The following NPEPL1 variants were observed in gnomAD, a reference collection of about 807,000 sequenced individuals.
NPEPL1 encodes the protein probable aminopeptidase NPEPL1.
In NPEPL1, 45 loss-of-function variants were observed where a neutral mutation model predicts 52.4. The ratio of observed to expected loss-of-function variants is 0.86; its 90% CI spans 0.68 to 1.10. NPEPL1 has a LOEUF of 1.10. NPEPL1 is among the 50% of genes least tolerant of loss of function. The pLI is 0.00. For synonymous variants in NPEPL1, 360 were observed against 314.7 expected (o/e 1.14, Z -1.52); for missense variants, 696 against 710.9 (o/e 0.98, Z 0.24).
chr20:58,691,693 CTT>C (rs11471424), upstream of NPEPL1: 3,526 of 559,632 alleles, frequency 6.3e-3, 2 homozygotes, highest in South Asian at 0.011. Context: ...TTTTTCTTTT[CTT>C]TTTTTTTTTT....
At position 58,692,863 on chromosome 20, in the gene NPEPL1, C is replaced by CCGGGCCGGGCAGGGCCGGGGCG. The variant is rs953882699; in HGVS notation, c.-37_-16dup. 1 of 998,622 alleles carries CCGGGCCGGGCAGGGCCGGGGCG rather than the reference C, an allele frequency of 1.0e-6. No individual in the cohort carries two copies. The highest frequency in any genetic ancestry group is 1.2e-6 in the Non-Finnish European group (1 of 838,388). The allele number at this position is 998,622 out of a possible 1,614,324, so 61.9% of individuals were successfully genotyped here. The stretch of plus-strand genomic sequence containing the variant: ...GAAGGGGGCCGAGCGGCGGGCCGGG[C>CCGGGCCGGGCAGGGCCGGGGCG]CGGGCCGGGCAGGGCCGGGGCGTGG... On this transcript the variant is annotated 5_prime_UTR_variant, in exon 1 of 12. Transcript: ENST00000356091. The surrounding 1 kb of genome is among the most constrained non-coding windows in gnomAD (Gnocchi z 5.7).
intron 3 of NPEPL1, among the ~76,000 whole-genome samples, chr20:58,697,084 G>T (rs1244176077): frequency 6.6e-6 from 1 of 152,248 alleles, no homozygotes; most frequent in Non-Finnish European, 1.5e-5. Flanking sequence ...GACTGGGACT[G>T]TGTACTGTGA....
At position 58,692,822 on chromosome 20, in the gene NPEPL1, CG is replaced by C; in HGVS notation, c.-76del. 3 of 975,604 alleles carry C rather than the reference CG, an allele frequency of 3.1e-6. No homozygotes were observed. In the East Asian group the frequency reaches 3.5e-4, roughly 112 times the overall value. 60.4% of individuals were successfully genotyped at this position (975,604 alleles called of 1,614,324 possible). A position where few individuals can be genotyped will look rare whatever the true frequency, so the allele number is the denominator to read the frequency against. ...GGCAGGGCCGGGGCGGTGCCGAGGCCGGGCCGGAGCGGGGCGAAGGGGGCCG... is the reference window on the plus strand; with the variant it reads ...GGCAGGGCCGGGGCGGTGCCGAGGCCGGCCGGAGCGGGGCGAAGGGGGCCG... On this transcript the variant is annotated 5_prime_UTR_variant, in exon 1 of 12. Transcript: ENST00000356091. The surrounding 1 kb of genome is among the most constrained non-coding windows in gnomAD (Gnocchi z 5.7).
chr20:58,697,364 G>A (rs1275328487), intron 3 of NPEPL1, among the ~76,000 whole-genome samples: 6 of 152,344 alleles, frequency 3.9e-5, no homozygotes, highest in Non-Finnish European at 5.9e-5. Flanking sequence ...CAGCATTGAC[G>A]CACTTCTCAG....
chr20:58,712,986 A>G (rs1332822814), intron 8 of NPEPL1: 12 of 370,732 alleles, frequency 3.2e-5, no homozygotes, highest in Non-Finnish European at 6.3e-5. Context: ...CTGAGGAGCA[A>G]GTGGCTCCAG....
At chr20:58,701,966 C>G (rs1193119392) in intron 6 of NPEPL1, among the ~76,000 whole-genome samples, 2 of 152,214 alleles carry the variant, frequency 1.3e-5, no homozygotes, top group Non-Finnish European at 2.9e-5. Context: ...CGCACCATCT[C>G]CATCCATTCA....
At chr20:58,708,042 C>G (rs1227157037) in intron 7 of NPEPL1, among the ~76,000 whole-genome samples, 1 of 151,652 alleles carries the variant, frequency 6.6e-6, no homozygotes, top group African/African-American at 2.4e-5. Context: ...TAAGATCCCA[C>G]TGCTGCACTG....
chr20:58,698,872 C>CGTCAGGGT, intron 4 of NPEPL1, 99 bp downstream of exon 4: 1 of 1,029,466 alleles, frequency 9.7e-7, no homozygotes, highest in African/African-American at 1.6e-5. Context: ...CACACCCTGA[C>CGTCAGGGT]GTGGCCAGGG....
intron 6 of NPEPL1, among the ~76,000 whole-genome samples, chr20:58,701,728 A>G (rs1037574880): frequency 1.3e-5 from 2 of 152,066 alleles, no homozygotes; most frequent in African/African-American, 4.8e-5. Context: ...CCCCACTGAG[A>G]AAACGCTCAG....
rs1416031128 is a variant in NPEPL1 at position 58,692,940 on chromosome 20, G to A, written c.40G>A (p.Asp14Asn). ...GCTGCAGTTCCAGGCGAGCGCGGGG[G>A]ACTCGGACCCACAGAGCCGGCCCCT... ...VGLQFQASAG[D>N]SDPQSRPLLL... is the part of the protein sequence containing the mutation. Residue 14 changes from aspartate to asparagine, a missense_variant, in exon 1 of 12, where the codon GAC becomes AAC. Physicochemically the swap from Asp to Asn is conservative, Grantham distance 23. Coordinates refer to ENST00000356091, the MANE Select transcript of NPEPL1 (RefSeq NM_024663.4). The surrounding 1 kb of genome is among the most constrained non-coding windows in gnomAD (Gnocchi z 5.7). The A allele has an allele frequency of 3.7e-5, 43 of 1,156,100 alleles. No homozygotes were observed. Among genetic ancestry groups the A allele is most frequent in the Non-Finnish European group, 4.3e-5 (40 of 923,868 alleles). The allele number at this position is 1,156,100 out of a possible 1,614,324, so 71.6% of individuals were successfully genotyped here. A position where few individuals can be genotyped will look rare whatever the true frequency, so the allele number is the denominator to read the frequency against.
intron 3 of NPEPL1, among the ~76,000 whole-genome samples, chr20:58,695,816 T>G (rs1207421027): frequency 6.6e-6 from 1 of 152,176 alleles, no homozygotes; most frequent in Non-Finnish European, 1.5e-5. Flanking sequence ...TTTTCCCTCT[T>G]AACCCATGGA....
chr20:58,692,296 G>A (rs1601086596), upstream of NPEPL1: 1 of 178,610 alleles, frequency 5.6e-6, no homozygotes, highest in East Asian at 1.6e-4. This position sits in a 1 kb window ranked among gnomAD's most constrained non-coding sequence, Gnocchi z 5.7. Context: ...GGAAGTGACC[G>A]TCCACGCTGT....
At chr20:58,703,278 C>G (rs112549398) in intron 6 of NPEPL1, among the ~76,000 whole-genome samples, 4 of 152,146 alleles carry the variant, frequency 2.6e-5, no homozygotes, top group Admixed American at 6.5e-5. Flanking sequence ...CAACCGTAGC[C>G]ACAGCAATTT....
At chr20:58,690,508 G>A (rs1156464359), upstream of NPEPL1, among the ~76,000 whole-genome samples, 1 of 152,224 alleles carries the variant, frequency 6.6e-6, no homozygotes, top group East Asian at 1.9e-4. Context: ...TTCCTGGAAT[G>A]TATTTGTATC....
intron 6 of NPEPL1, chr20:58,704,210 G>A (rs2084693235): frequency 2.0e-6 from 2 of 985,386 alleles, no homozygotes; most frequent in Non-Finnish European, 2.4e-6. Flanking sequence ...GTGGCTGCCT[G>A]TAGAGCAAAT....
intron 8 of NPEPL1, chr20:58,712,927 G>A (rs538108269): frequency 1.0e-5 from 4 of 397,380 alleles, no homozygotes; most frequent in Admixed American, 3.6e-5. Context: ...GACACCTCCT[G>A]CATCTCCCCC....
At position 58,704,285 on chromosome 20, in the gene NPEPL1, A is replaced by G. The variant is rs542148808; in HGVS notation, c.823-2838A>G. ...GAGCCAGCCCAGCTCCCAGTTTTGC[A>G]AGAAAAAAAAAATCACAGCTCCATT... is the stretch of plus-strand genomic sequence containing the variant. On this transcript the variant is annotated intron_variant, in intron 6 of 11. Coordinates refer to ENST00000356091, the MANE Select transcript of NPEPL1 (RefSeq NM_024663.4). The G allele has an allele frequency of 1.2e-4, 113 of 966,910 alleles. No individual in the cohort carries two copies. In the African/African-American group the frequency reaches 1.9e-3, roughly 16 times the overall value. The allele number at this position is 966,910 out of a possible 1,614,324, so 59.9% of individuals were successfully genotyped here.
At chr20:58,709,503 G>A (rs960906661) in intron 7 of NPEPL1, among the ~76,000 whole-genome samples, 5 of 152,208 alleles carry the variant, frequency 3.3e-5, no homozygotes, top group African/African-American at 1.2e-4. Context: ...CTTCATTCCA[G>A]GTGAGAGTGG....
At chr20:58,710,145 C>T (rs1471413317) in intron 7 of NPEPL1, among the ~76,000 whole-genome samples, 1 of 150,140 alleles carries the variant, frequency 6.7e-6, no homozygotes, top group Non-Finnish European at 1.5e-5. Flanking sequence ...AGTGATTCTC[C>T]TGCCTCAGCC....
Sources: allele counts gnomAD v4.1 joint callset (sites outside exome capture counted in the v4.1 genomes callset), GRCh38; gene constraint gnomAD v4.1.1; non-coding constraint Gnocchi (gnomAD v3.1); transcripts MANE v1.5; gene names NCBI Gene and HGNC (gene_info 2026-07-23, HGNC 2026-07-21).